Variants in CSF1 observed in about 807,000 individuals in gnomAD.
The protein encoded by CSF1 is colony stimulating factor 1.
A neutral mutation model predicts 48.9 loss-of-function variants in CSF1; 9 were observed. That is an observed-to-expected ratio of 0.18 (90% confidence interval 0.11 to 0.32). CSF1 has a LOEUF of 0.32. Among genes scored for constraint, CSF1 ranks in the 10% least tolerant of loss-of-function variants. The pLI is 1.00. For missense variants in CSF1, 672 were observed against 697.9 expected (o/e 0.96, Z 0.42); for synonymous variants, 305 against 284.1 (o/e 1.07, Z -0.74).
chr1:109,913,019 C>T (rs1244169785), intron 1 of CSF1, among the ~76,000 whole-genome samples: 1 of 152,262 alleles, frequency 6.6e-6, no homozygotes, highest in Non-Finnish European at 1.5e-5. Context: ...TTCAAGGCCT[C>T]ACTGAGGTCC....
chr1:109,921,235 C>A (rs1306384657), intron 4 of CSF1, among the ~76,000 whole-genome samples: 1 of 152,220 alleles, frequency 6.6e-6, no homozygotes, highest in African/African-American at 2.4e-5. Flanking sequence ...CTGGCCCTTG[C>A]TAACCTCTCT....
chr1:109,911,512 G>T (rs1654682459), intron 1 of CSF1, among the ~76,000 whole-genome samples: 1 of 152,216 alleles, frequency 6.6e-6, no homozygotes, highest in African/African-American at 2.4e-5. Context: ...CTTCTGGGCA[G>T]GGAAAGTTCA....
At chr1:109,914,955 G>A (rs370813612) in intron 2 of CSF1, among the ~76,000 whole-genome samples, 3 of 152,180 alleles carry the variant, frequency 2.0e-5, no homozygotes, top group Admixed American at 6.5e-5. Context: ...AGACCCATAC[G>A]TGGTCCAGCC....
chr1:109,922,122 A>G, intron 5 of CSF1, 128 bp downstream of exon 5: 1 of 1,109,020 alleles, frequency 9.0e-7, no homozygotes, highest in South Asian at 1.6e-5. Flanking sequence ...TCCCGTGTGC[A>G]TGAATGTGCT....
Position 109,924,038 on chromosome 1 carries a change from T to C in CSF1, c.1417T>C (p.Ser473Pro), listed in dbSNP as rs757763056. The change falls in exon 6 of 9, where the codon TCC (serine) becomes CCC (proline). Residue 473 changes from serine to proline, a missense_variant. Around this residue, in one of 3 missense-constraint regions of CSF1, gnomAD observed 591 missense variants for 593.6 expected, o/e 1.00. Transcript: ENST00000329608. ...GAARPLPRFN[S>P]VPLTDTGHER... ...AGCCAGGCCCCTGCCCCGTTTTAAC[T>C]CCGTTCCTTTGACTGACACAGGCCA... is the stretch of plus-strand genomic sequence containing the variant. The C allele has an allele frequency of 6.2e-7, 1 of 1,614,178 alleles. No homozygotes were observed. Among genetic ancestry groups the C allele is most frequent in the Non-Finnish European group, 8.5e-7 (1 of 1,180,024 alleles).
At chr1:109,923,122 C>A in intron 5 of CSF1, 44 bp from the exon 6 acceptor site, 1 of 1,494,062 alleles carries the variant, frequency 6.7e-7, no homozygotes, top group Admixed American at 2.3e-5. Context: ...GTGACTCTAT[C>A]TCCTCCCCAT....
At chr1:109,912,871 C>T (rs762628487) in intron 1 of CSF1, among the ~76,000 whole-genome samples, 3 of 152,160 alleles carry the variant, frequency 2.0e-5, no homozygotes, top group East Asian at 1.9e-4. Context: ...CCGTGACTGC[C>T]GTCCCCCTCT....
At chr1:109,917,232 G>A (rs1647260711) in intron 3 of CSF1, 61 bp from the exon 4 acceptor site, 3 of 1,562,292 alleles carry the variant, frequency 1.9e-6, no homozygotes, top group Middle Eastern at 1.8e-4. Flanking sequence ...CCATCTGCCT[G>A]GGGTTGGGGG....
chr1:109,914,952 T>C (rs916119284), intron 2 of CSF1, among the ~76,000 whole-genome samples: 1 of 152,254 alleles, frequency 6.6e-6, no homozygotes, highest in Non-Finnish European at 1.5e-5. Context: ...ATCAGACCCA[T>C]ACGTGGTCCA....
At position 109,929,978 on chromosome 1, in the gene CSF1, A is replaced by C. The variant is rs1285420716; in HGVS notation, c.*1140A>C. ...AGGGGAGGGCACAGACAGAGAGGCT[A>C]CAGGGCGAGCTCTGACTGAAGATGG... is the stretch of plus-strand genomic sequence containing the variant. On this transcript the variant is annotated 3_prime_UTR_variant, in exon 9 of 9. Transcript: ENST00000329608. The C allele has an allele frequency of 6.6e-6, 1 of 152,538 alleles. No homozygotes were observed. The highest frequency in any genetic ancestry group is 2.4e-5 in the African/African-American group (1 of 41,468). The allele number at this position is 152,538 out of a possible 1,614,324, so 9.4% of individuals were successfully genotyped here. A position where few individuals can be genotyped will look rare whatever the true frequency, so the allele number is the denominator to read the frequency against.
At chr1:109,916,203 C>T (rs536893926) in intron 3 of CSF1, among the ~76,000 whole-genome samples, 13 of 152,154 alleles carry the variant, frequency 8.5e-5, no homozygotes, top group Non-Finnish European at 1.5e-4. Context: ...GCTGGTTCTG[C>T]CTCTCAGCAT....
chr1:109,916,362 C>T (rs1216463189), intron 3 of CSF1, among the ~76,000 whole-genome samples: 2 of 152,152 alleles, frequency 1.3e-5, no homozygotes, highest in African/African-American at 4.8e-5. Flanking sequence ...CAACCTGCTG[C>T]CTTTACCTCC....
chr1:109,924,841 G>A lies in CSF1; in HGVS notation c.1622+13G>A, dbSNP rs1175348273. 3.7e-6 allele frequency: 6 copies of A among 1,604,856 alleles called. No homozygotes were observed. The highest frequency in any genetic ancestry group is 1.7e-5 in the Admixed American group (1 of 58,710). On this transcript the variant is annotated intron_variant, in intron 7 of 8. Transcript: ENST00000329608. ...AACCAGAGGGCAGGTGAGAGCTTGA[G>A]GTGGGGCTCTGGGAGGCACTGGGGG... is the stretch of plus-strand genomic sequence containing the variant.
intron 8 of CSF1, among the ~76,000 whole-genome samples, chr1:109,925,515 A>G (rs924171731): frequency 2.0e-5 from 3 of 151,984 alleles, no homozygotes; most frequent in African/African-American, 7.3e-5. Context: ...TGTGGCCTTT[A>G]TAAGGTCTTT....
chr1:109,927,765 T>G (rs1647904794), intron 8 of CSF1, among the ~76,000 whole-genome samples: 1 of 151,366 alleles, frequency 6.6e-6, no homozygotes, highest in Non-Finnish European at 1.5e-5. Flanking sequence ...CTGCTGTGAT[T>G]TGAGAAGTGA....
At chr1:109,917,271 G>A (rs2101644790) in intron 3 of CSF1, 22 bp from the exon 4 acceptor site, 5 of 1,610,466 alleles carry the variant, frequency 3.1e-6, no homozygotes, top group Middle Eastern at 1.7e-4. Flanking sequence ...CAGGCCATAA[G>A]CTCCAGGTTC....
chr1:109,914,074 CAA>C (rs1654795191), intron 1 of CSF1, among the ~76,000 whole-genome samples, 183 bp from the exon 2 acceptor site: 1 of 152,156 alleles, frequency 6.6e-6, no homozygotes, highest in South Asian at 2.1e-4. Context: ...CATGGGAGAA[CAA>C]GGTTGTGCTG....
chr1:109,920,223 C>T (rs968643191), intron 4 of CSF1, among the ~76,000 whole-genome samples: 16 of 151,726 alleles, frequency 1.1e-4, no homozygotes, highest in African/African-American at 3.1e-4. Context: ...ACCAGATAGA[C>T]GTACGAATGA....
intron 1 of CSF1, 127 bp from the exon 2 acceptor site, chr1:109,914,132 T>C (rs966203638): frequency 2.9e-6 from 3 of 1,032,662 alleles, no homozygotes; most frequent in Middle Eastern, 2.6e-4. Flanking sequence ...GGATGCTGTA[T>C]CCTGAGGTAA....
Sources: gnomAD v4.1 joint callset for allele counts (sites outside exome capture counted in the v4.1 genomes callset) on GRCh38, gnomAD v4.1.1 for gene constraint, gnomAD v4.1.1 regional missense constraint, MANE v1.5 for transcripts, NCBI Gene and HGNC (gene_info 2026-07-23, HGNC 2026-07-21) for gene names.